Variants in MRPS28 observed in about 807,000 individuals in gnomAD.
The protein encoded by MRPS28 is small ribosomal subunit protein bS1m.
A neutral mutation model predicts 10.8 loss-of-function variants in MRPS28; 7 were observed. That is an observed-to-expected ratio of 0.65 (90% CI 0.37 to 1.22). MRPS28 has a LOEUF of 1.22. Among genes scored for constraint, MRPS28 ranks in the 50% most tolerant of loss-of-function variants. The pLI, the probability that MRPS28 is intolerant of heterozygous loss-of-function variation, is 0.02. For missense variants in MRPS28, 265 were observed against 232.9 expected (o/e 1.14, Z -0.90); for synonymous variants, 121 against 93.3 (o/e 1.30, Z -1.71).
intron 2 of MRPS28, among the ~76,000 whole-genome samples, chr8:79,922,174 T>G (rs948211611): frequency 1.1e-4 from 16 of 152,198 alleles, no homozygotes; most frequent in African/African-American, 3.9e-4. Context: ...TATTTGGGAT[T>G]GGTTGCATTG....
At chr8:79,931,148 T>C (rs1325292207) in intron 2 of MRPS28, among the ~76,000 whole-genome samples, 1 of 152,148 alleles carries the variant, frequency 6.6e-6, no homozygotes, top group Non-Finnish European at 1.5e-5. Context: ...CAAAACAGGG[T>C]AGAATAGTGA....
intron 2 of MRPS28, among the ~76,000 whole-genome samples, chr8:79,982,944 G>A (rs1808013376): frequency 1.6e-5 from 2 of 125,538 alleles, no homozygotes; most frequent in South Asian, 5.6e-4. Context: ...GGAGATCTGA[G>A]AACAGGCAGA....
At chr8:80,012,844 A>G (rs1190584598) in intron 1 of MRPS28, among the ~76,000 whole-genome samples, 1 of 152,208 alleles carries the variant, frequency 6.6e-6, no homozygotes, top group Non-Finnish European at 1.5e-5. Context: ...TATATTAAGC[A>G]TATATATACC....
At chr8:79,987,508 A>C (rs1282443241) in intron 2 of MRPS28, among the ~76,000 whole-genome samples, 4 of 152,230 alleles carry the variant, frequency 2.6e-5, no homozygotes, top group South Asian at 2.1e-4. Flanking sequence ...AATGGGAGAA[A>C]ATTTTCACAA....
intron 2 of MRPS28, among the ~76,000 whole-genome samples, chr8:79,952,676 C>CA (rs1807108127): frequency 2.0e-5 from 3 of 152,174 alleles, no homozygotes; most frequent in Non-Finnish European, 4.4e-5. Flanking sequence ...ACGCCATCAA[C>CA]AGAGTTCCTT....
chr8:79,959,788 C>T (rs746986080), intron 2 of MRPS28, among the ~76,000 whole-genome samples: 1 of 152,098 alleles, frequency 6.6e-6, no homozygotes, highest in Non-Finnish European at 1.5e-5. Flanking sequence ...GAGCTGTATA[C>T]TTCATAAAAC....
intron 2 of MRPS28, among the ~76,000 whole-genome samples, chr8:79,919,950 C>A (rs1197763113): frequency 8.2e-6 from 1 of 121,674 alleles, no homozygotes; most frequent in African/African-American, 3.1e-5. Flanking sequence ...CTCCCCCCAC[C>A]CCATAACAGG....
chr8:79,980,342 T>C (rs1046232070), intron 2 of MRPS28, among the ~76,000 whole-genome samples: 1 of 152,226 alleles, frequency 6.6e-6, no homozygotes, highest in Non-Finnish European at 1.5e-5. Context: ...ACTAGTATTA[T>C]GCTTAGAAAA....
intron 2 of MRPS28, among the ~76,000 whole-genome samples, chr8:80,000,210 T>C (rs1426255492): frequency 6.6e-6 from 1 of 152,204 alleles, no homozygotes; most frequent in Admixed American, 6.5e-5. Flanking sequence ...CTGTAGCACT[T>C]TGGCTCCTCC....
intron 2 of MRPS28, among the ~76,000 whole-genome samples, chr8:79,983,421 G>A (rs1255803507): frequency 2.6e-5 from 4 of 152,180 alleles, no homozygotes; most frequent in South Asian, 2.1e-4. Context: ...AAAGCTGGAC[G>A]GAGAATGACT....
intron 2 of MRPS28, among the ~76,000 whole-genome samples, chr8:79,951,940 T>C (rs1228435653): frequency 6.6e-6 from 1 of 152,238 alleles, no homozygotes; most frequent in South Asian, 2.1e-4. Flanking sequence ...CTGGGTTCTT[T>C]GTTAGGTGAG....
At chr8:80,028,544 G>A (rs1208059546) in intron 1 of MRPS28, 2 of 151,448 alleles carry the variant, frequency 1.3e-5, no homozygotes, top group Non-Finnish European at 2.9e-5. Context: ...TGGCAAAGGA[G>A]AATTAACTTT....
rs868265056 is a variant in MRPS28 at position 79,978,346 on chromosome 8, T to C, written c.395+24653A>G. On this transcript the variant is annotated intron_variant, in intron 2 of 2. Transcript: ENST00000276585. ...AGAAAGTGACAGTTGTATTTTTTTT[T>C]TCCCTGATAAACATGTAATCTAAGT... 2.2e-3 allele frequency among the ~76,000 whole-genome samples: 337 copies of C among 152,318 alleles called. 2 individuals carry two copies. Among genetic ancestry groups the C allele is most frequent in the African/African-American group, 7.7e-3 (319 of 41,572 alleles).
At chr8:79,963,696 G>A (rs1215214663) in intron 2 of MRPS28, among the ~76,000 whole-genome samples, 1 of 152,060 alleles carries the variant, frequency 6.6e-6, no homozygotes, top group African/African-American at 2.4e-5. Flanking sequence ...CACACAGAGC[G>A]AAGAATGACT....
At chr8:79,959,598 A>T (rs1231851869) in intron 2 of MRPS28, among the ~76,000 whole-genome samples, 1 of 152,242 alleles carries the variant, frequency 6.6e-6, no homozygotes, top group African/African-American at 2.4e-5. Flanking sequence ...TACATAGAAA[A>T]ACTTTGCAGC....
At chr8:80,004,405 A>G (rs1808763935) in intron 1 of MRPS28, among the ~76,000 whole-genome samples, 1 of 152,236 alleles carries the variant, frequency 6.6e-6, no homozygotes, top group Non-Finnish European at 1.5e-5. Flanking sequence ...GCAAACTCCA[A>G]CAGACCTGCA....
intron 1 of MRPS28, among the ~76,000 whole-genome samples, chr8:80,009,950 G>A (rs1808986185): frequency 6.6e-6 from 1 of 152,102 alleles, no homozygotes; most frequent in South Asian, 2.1e-4. Context: ...TCATCACAAT[G>A]ATCAGTCTGA....
intron 2 of MRPS28, among the ~76,000 whole-genome samples, chr8:79,920,378 A>G (rs1221444393): frequency 2.6e-5 from 4 of 152,166 alleles, no homozygotes; most frequent in Non-Finnish European, 5.9e-5. Context: ...TGTCTTCCAC[A>G]ATGGTTGAAC....
intron 1 of MRPS28, among the ~76,000 whole-genome samples, chr8:80,018,489 T>C (rs929300912): frequency 6.6e-6 from 1 of 152,076 alleles, no homozygotes; most frequent in African/African-American, 2.4e-5. Context: ...CAGTAATACA[T>C]GCTGATGAGG....
Sources: gnomAD v4.1 joint callset for allele counts (sites outside exome capture counted in the v4.1 genomes callset) on GRCh38, gnomAD v4.1.1 for gene constraint, MANE v1.5 for transcripts, NCBI Gene and HGNC (gene_info 2026-07-23, HGNC 2026-07-21) for gene names.